The following GRIN2D variants were observed in gnomAD, a reference collection of about 807,000 sequenced individuals.
GRIN2D encodes glutamate receptor ionotropic, NMDA 2D.
A neutral mutation model predicts 103.2 loss-of-function variants in GRIN2D; 37 were observed. The ratio of observed to expected loss-of-function variants is 0.36; its 90% CI spans 0.28 to 0.47. The LOEUF (loss-of-function observed/expected upper bound fraction) is 0.47, where lower values mean the gene tolerates loss of function less well. GRIN2D is among the 20% of genes least tolerant of loss of function. The probability of loss-of-function intolerance (pLI) is 1.00; values close to 1 mark genes in which losing one functional copy is unlikely to be tolerated. For synonymous variants in GRIN2D, 845 were observed against 885.6 expected (o/e 0.95, Z 0.81); for missense variants, 1,557 against 1,910.6 (o/e 0.81, Z 3.45).
chr19:48,443,641 T>C lies in GRIN2D; in HGVS notation c.3715T>C (p.Ser1239Pro). 2 of 1,100,054 alleles carry C rather than the reference T, an allele frequency of 1.8e-6. No homozygotes were observed. Among genetic ancestry groups the C allele is most frequent in the South Asian group, 7.3e-5 (2 of 27,536 alleles). 68.1% of individuals were successfully genotyped at this position (1,100,054 alleles called of 1,614,324 possible). ...GTCGCACCCGCACCGCCCGCGGGCC[T>C]CGCACCGCACGCCCGCCGCCGCCGC... Reference protein sequence around the residue: ...PRSHPHRPRASHRTPAAAAPH... With the variant: ...PRSHPHRPRAPHRTPAAAAPH... Residue 1239 changes from serine to proline, a missense_variant, in exon 14 of 14, where the codon TCG (serine) becomes CCG (proline). By Grantham distance (74) the Ser-to-Pro change is moderately conservative (BLOSUM62 -1). Transcript: ENST00000263269. This position sits in a 1 kb window ranked among gnomAD's most constrained non-coding sequence, Gnocchi z 8.9.
chr19:48,415,168 C>G, intron 7 of GRIN2D, 136 bp downstream of exon 7: 1 of 780,832 alleles, frequency 1.3e-6, no homozygotes, highest in Non-Finnish European at 2.0e-6. Flanking sequence ...CTCAGGGGTT[C>G]GAGACCAGTT....
chr19:48,418,664 A>C (rs276710), intron 8 of GRIN2D, among the ~76,000 whole-genome samples: 13 of 151,872 alleles, frequency 8.6e-5, no homozygotes, highest in African/African-American at 2.4e-4. Flanking sequence ...GCGAGGGAGA[A>C]GGAGGGAGGA....
intron 11 of GRIN2D, among the ~76,000 whole-genome samples, chr19:48,437,759 A>G (rs1291341279): frequency 6.6e-6 from 1 of 152,144 alleles, no homozygotes; most frequent in African/African-American, 2.4e-5. Context: ...TTTCACCCCC[A>G]AGGGCATCTT....
chr19:48,398,511 G>A lies in GRIN2D; in HGVS notation c.119G>A (p.Gly40Glu). The A allele has an allele frequency of 9.9e-7, 1 of 1,013,698 alleles. No homozygotes were observed. The highest frequency in any genetic ancestry group is 1.2e-6 in the Non-Finnish European group (1 of 850,342). The allele number at this position is 1,013,698 out of a possible 1,614,324, so 62.8% of individuals were successfully genotyped here. A position where few individuals can be genotyped will look rare whatever the true frequency, so the allele number is the denominator to read the frequency against. The change falls in exon 3 of 14, where the codon GGG becomes GAG. Residue 40 changes from glycine to glutamate, a missense_variant. By Grantham distance (98) the Gly-to-Glu change is moderately conservative. Coordinates refer to ENST00000263269, the MANE Select transcript of GRIN2D (RefSeq NM_000836.4). ...EEAPGPGGAG[G>E]PGGGLGGARP... Reference sequence around the variant, plus strand: ...GCGCCGGGGCCGGGCGGGGCCGGTGGGCCCGGCGGCGGCCTCGGCGGGGCG... The same window carrying A: ...GCGCCGGGGCCGGGCGGGGCCGGTGAGCCCGGCGGCGGCCTCGGCGGGGCG...
chr19:48,412,421 A>AAAAAGAAAG (rs1396930362), intron 4 of GRIN2D, among the ~76,000 whole-genome samples: 11 of 123,436 alleles, frequency 8.9e-5, no homozygotes, highest in African/African-American at 3.1e-4. Context: ...AAAGAGAAAG[A>AAAAAGAAAG]AAAGAAAGAA....
At chr19:48,403,676 A>T (rs958973974) in intron 3 of GRIN2D, among the ~76,000 whole-genome samples, 77 of 152,178 alleles carry the variant, frequency 5.1e-4, no homozygotes, top group African/African-American at 1.7e-3. Context: ...GCAGAGGAAG[A>T]GGTGACAGAG....
intron 3 of GRIN2D, among the ~76,000 whole-genome samples, chr19:48,401,081 C>CAAA: frequency 8.1e-6 from 1 of 123,862 alleles, no homozygotes; most frequent in East Asian, 2.2e-4. Flanking sequence ...AGACTGTTCT[C>CAAA]AAAAAAAAAA....
intron 4 of GRIN2D, among the ~76,000 whole-genome samples, chr19:48,412,002 G>A (rs1228845247): frequency 1.3e-5 from 2 of 151,504 alleles, no homozygotes; most frequent in East Asian, 1.9e-4. Flanking sequence ...AGACCAGCCT[G>A]GGAAAAGTAG....
chr19:48,395,700 G>A (rs1179741021), intron 2 of GRIN2D, among the ~76,000 whole-genome samples: 1 of 152,070 alleles, frequency 6.6e-6, no homozygotes, highest in Admixed American at 6.5e-5. Flanking sequence ...GCTATGTACA[G>A]GATCTAAGTG....
rs906620965 is a variant in GRIN2D, at chr19:48,434,607, AT to A, written c.2253-7151del. Among the ~76,000 whole-genome samples the A allele has an allele frequency of 8.8e-4, 127 of 144,234 alleles. No individual in the cohort carries two copies. In the Middle Eastern group the frequency reaches 0.011, roughly 12 times the overall value. 94.6% of individuals were successfully genotyped at this position (144,234 alleles called of 152,430 possible). A position where few individuals can be genotyped will look rare whatever the true frequency, so the allele number is the denominator to read the frequency against. Reference sequence around the variant, plus strand: ...TTCTTTTTTAAAAATTTTTAATTGTATTTTTTTTTTTACAGATGGTCTCACT... The same window carrying A: ...TTCTTTTTTAAAAATTTTTAATTGTATTTTTTTTTTACAGATGGTCTCACT... On this transcript the variant is annotated intron_variant, in intron 11 of 13. Transcript: ENST00000263269.
intron 4 of GRIN2D, among the ~76,000 whole-genome samples, chr19:48,413,306 C>G (rs959471044): frequency 1.5e-4 from 22 of 146,206 alleles, no homozygotes; most frequent in African/African-American, 2.5e-5. Flanking sequence ...ATGGTGAAAC[C>G]CCATCTCTAC....
At chr19:48,396,816 C>T (rs1020763303) in intron 2 of GRIN2D, among the ~76,000 whole-genome samples, 23 of 152,016 alleles carry the variant, frequency 1.5e-4, no homozygotes, top group Non-Finnish European at 2.6e-4. Flanking sequence ...CCTGCGCTAC[C>T]ATGGCAACCA....
intron 11 of GRIN2D, among the ~76,000 whole-genome samples, chr19:48,426,534 T>C (rs28398354): frequency 0.14 from 21,369 of 151,658 alleles, 2,863 homozygotes; most frequent in African/African-American, 0.35. Context: ...CTGAATATTC[T>C]CTTTTTTAAA....
In GRIN2D at chr19:48,443,303, TG is replaced by T; in HGVS notation, c.3380del (p.Gly1127AlafsTer391). The T allele has an allele frequency of 6.6e-7, 1 of 1,523,800 alleles. No homozygotes were observed. 94.4% of individuals were successfully genotyped at this position (1,523,800 alleles called of 1,614,324 possible). On this transcript the variant is annotated frameshift_variant, in exon 14 of 14. Coordinates refer to ENST00000263269, the MANE Select transcript of GRIN2D (RefSeq NM_000836.4). LOFTEE classifies it high-confidence loss of function. The surrounding 1 kb of genome is among the most constrained non-coding windows in gnomAD (Gnocchi z 8.9). ...TCGGAGAGCCTGGGCGGCGCGTCGCTGGGCGGCCTGGAGCCCTGGTGGTTCG... is the reference window on the plus strand; with the variant it reads ...TCGGAGAGCCTGGGCGGCGCGTCGCTGGCGGCCTGGAGCCCTGGTGGTTCG... ...EDSESLGGAS[L>X]GGLEPWWFAD... is the part of the protein sequence containing the mutation.
chr19:48,414,009 G>C lies in GRIN2D; in HGVS notation c.1104G>C (p.Thr368=), dbSNP rs750654959. Residue 368 remains threonine, a synonymous_variant, in exon 5 of 14, where the codon ACG becomes ACC. Coordinates refer to ENST00000263269, the MANE Select transcript of GRIN2D (RefSeq NM_000836.4). The surrounding 1 kb of genome is among the most constrained non-coding windows in gnomAD (Gnocchi z 4.6). ...TGGGCAGGTACTTCATGAACATCAC[G>C]TGGGATAACCGGGATTACTCCTTCA... is the stretch of plus-strand genomic sequence containing the variant. ...ESLHRYFMNI[T]WDNRDYSFNE... 2.5e-6 allele frequency: 4 copies of C among 1,608,544 alleles called. No individual in the cohort carries two copies. Among genetic ancestry groups the C allele is most frequent in the African/African-American group, 1.3e-5 (1 of 74,904 alleles).
Position 48,414,699 on chromosome 19 carries a change from G to C in GRIN2D, c.1412+115G>C. 1 of 1,263,948 alleles carries C rather than the reference G, an allele frequency of 7.9e-7. No homozygotes were observed. Among genetic ancestry groups the C allele is most frequent in the Non-Finnish European group, 1.1e-6 (1 of 910,182 alleles). 78.3% of individuals were successfully genotyped at this position (1,263,948 alleles called of 1,614,324 possible). ...GACCCAGGACCCACAAAGCCCTCCA[G>C]CTTGGTGACCTTAGGCAAACCTCAG... is the stretch of plus-strand genomic sequence containing the variant. On this transcript the variant is annotated intron_variant, in intron 6 of 13. Coordinates refer to ENST00000263269, the MANE Select transcript of GRIN2D (RefSeq NM_000836.4). The surrounding 1 kb of genome is among the most constrained non-coding windows in gnomAD (Gnocchi z 4.6).
intron 4 of GRIN2D, among the ~76,000 whole-genome samples, chr19:48,409,836 A>C (rs1970834108): frequency 1.3e-5 from 2 of 151,742 alleles, no homozygotes; most frequent in Admixed American, 1.3e-4. Flanking sequence ...GCTGGAGTGC[A>C]GTGGCACAAT....
At chr19:48,438,288 T>TTTTTTTTTTTTTTG (rs1971254466) in intron 11 of GRIN2D, among the ~76,000 whole-genome samples, 3 of 10,066 alleles carry the variant, frequency 3.0e-4, no homozygotes, top group African/African-American at 9.1e-4. Context: ...TCCAGCCGCC[T>TTTTTTTTTTTTTTG]TTTTTTTTTT....
chr19:48,398,411 C>G lies in GRIN2D; in HGVS notation c.19C>G (p.Pro7Ala). The change falls in exon 3 of 14, where the codon CCC becomes GCC. Residue 7 changes from proline (P) to alanine (A), a missense_variant. By Grantham distance (27) the Pro-to-Ala change is conservative (BLOSUM62 -1). This residue lies in a region of GRIN2D where 490 missense variants were observed against 601.1 expected (regional missense o/e 0.82). Coordinates refer to ENST00000263269, the MANE Select transcript of GRIN2D (RefSeq NM_000836.4). Reference sequence around the variant, plus strand: ...GCAGGCGATGCGCGGCGCCGGTGGCCCCCGCGGCCCTCGGGGCCCCGCTAA... The same window carrying G: ...GCAGGCGATGCGCGGCGCCGGTGGCGCCCGCGGCCCTCGGGGCCCCGCTAA... MRGAGG[P>A]RGPRGPAKML... The G allele has an allele frequency of 8.9e-7, 1 of 1,119,986 alleles. No individual in the cohort carries two copies. The highest frequency in any genetic ancestry group is 1.1e-6 in the Non-Finnish European group (1 of 917,300). The allele number at this position is 1,119,986 out of a possible 1,614,324, so 69.4% of individuals were successfully genotyped here. A position where few individuals can be genotyped will look rare whatever the true frequency, so the allele number is the denominator to read the frequency against.
Sources: allele counts gnomAD v4.1 joint callset (sites outside exome capture counted in the v4.1 genomes callset), GRCh38; gene constraint gnomAD v4.1.1; regional missense constraint gnomAD v4.1.1; non-coding constraint Gnocchi (gnomAD v3.1); transcripts MANE v1.5; gene names NCBI Gene and HGNC (gene_info 2026-07-23, HGNC 2026-07-21).